GIGYF2: variants seen among roughly 807,000 people sequenced by gnomAD.
GIGYF2 encodes GRB10 interacting GYF protein 2.
GIGYF2 carries 25 observed loss-of-function variants against 208.1 expected under a neutral mutation model. The observed-to-expected ratio is 0.12, with a 90% CI of 0.09 to 0.17. GIGYF2 has a LOEUF of 0.17. Ranked by LOEUF, GIGYF2 falls within the 10% of genes least tolerant of loss-of-function variation. The probability of loss-of-function intolerance (pLI) is 1.00; values close to 1 mark genes in which losing one functional copy is unlikely to be tolerated. For synonymous variants in GIGYF2, 534 were observed against 543.8 expected (o/e 0.98, Z 0.25); for missense variants, 1,302 against 1,579.4 (o/e 0.82, Z 2.98).
intron 2 of GIGYF2, among the ~76,000 whole-genome samples, chr2:232,719,375 T>G (rs767412546): frequency 2.0e-4 from 31 of 152,336 alleles, no homozygotes; most frequent in Admixed American, 5.2e-4. Context: ...CGTAGATTTG[T>G]CACCTTTTTT....
intron 2 of GIGYF2, among the ~76,000 whole-genome samples, chr2:232,723,140 C>T (rs973445479): frequency 6.6e-6 from 1 of 152,036 alleles, no homozygotes; most frequent in Admixed American, 6.6e-5. Context: ...AATTCCCCTA[C>T]CCCCTTCAAT....
intron 2 of GIGYF2, among the ~76,000 whole-genome samples, chr2:232,728,154 A>T (rs1168862673): frequency 6.6e-6 from 1 of 152,154 alleles, no homozygotes; most frequent in Non-Finnish European, 1.5e-5. Context: ...AGGGTATGTC[A>T]TAGCACAACT....
chr2:232,776,132 C>CT (rs201750439), intron 8 of GIGYF2, among the ~76,000 whole-genome samples: 3 of 151,290 alleles, frequency 2.0e-5, no homozygotes, highest in Admixed American at 6.6e-5. Context: ...AAGAAAAAGA[C>CT]TTTTTTTTTC....
rs1207223785 is a variant in GIGYF2 at position 232,805,218 on chromosome 2, G to A, written c.1640-1273G>A. On this transcript the variant is annotated intron_variant, in intron 14 of 28. Coordinates refer to ENST00000373563, the MANE Select transcript of GIGYF2 (RefSeq NM_001103146.3). ...TTCTATATTTGGAATGTTCTGTAAA[G>A]TCACTTCACTTCTGTTGGTTGATGG... Among the ~76,000 whole-genome samples the A allele has an allele frequency of 2.0e-5, 3 of 152,166 alleles. No individual in the cohort carries two copies. The East Asian group carries it at 5.8e-4, about 29-fold the overall frequency.
chr2:232,737,619 G>C (rs994195592), intron 3 of GIGYF2, among the ~76,000 whole-genome samples: 1 of 152,102 alleles, frequency 6.6e-6, no homozygotes, highest in African/African-American at 2.4e-5. Flanking sequence ...TTTTCTTCAC[G>C]TATGACGTTC....
rs1018692317 is a variant in GIGYF2, at chr2:232,774,749, G to C, written c.533-12401G>C. Among the ~76,000 whole-genome samples the C allele has an allele frequency of 4.6e-4, 70 of 152,132 alleles. 4 individuals carry two copies. Among genetic ancestry groups the C allele is most frequent in the Non-Finnish European group, 7.4e-5 (5 of 68,026 alleles). On this transcript the variant is annotated intron_variant, in intron 8 of 28. Transcript: ENST00000373563. The stretch of plus-strand genomic sequence containing the variant: ...CCACATTTGGAGCCACTGTCCTACT[G>C]AATGCTGCTAAGTGCTTAGTGTTTC...
chr2:232,822,053 T>A (rs2106397815), intron 21 of GIGYF2, among the ~76,000 whole-genome samples: 1 of 152,186 alleles, frequency 6.6e-6, no homozygotes, highest in African/African-American at 2.4e-5. Context: ...GTAACAGAAG[T>A]AAGTCAGTAT....
intron 2 of GIGYF2, among the ~76,000 whole-genome samples, chr2:232,722,115 G>T (rs1696969082): frequency 1.3e-5 from 2 of 152,114 alleles, no homozygotes; most frequent in Admixed American, 6.5e-5. Context: ...CCCATACTCA[G>T]GCTGCTAAGT....
chr2:232,730,284 T>G, intron 2 of GIGYF2: 2 of 661,630 alleles, frequency 3.0e-6, no homozygotes, highest in South Asian at 3.8e-5. Flanking sequence ...AAAAATATTC[T>G]TAGGTTTTTA....
At chr2:232,771,100 T>A in intron 8 of GIGYF2, 1 of 1,614,122 alleles carries the variant, frequency 6.2e-7, no homozygotes, top group Non-Finnish European at 8.5e-7. Flanking sequence ...GGCATCATGA[T>A]CTAGTTCCAG....
At chr2:232,829,338 C>A (rs1701346382) in intron 21 of GIGYF2, among the ~76,000 whole-genome samples, 1 of 152,084 alleles carries the variant, frequency 6.6e-6, no homozygotes, top group Non-Finnish European at 1.5e-5. Context: ...TTGGTGTTTG[C>A]ACGGTATATA....
intron 21 of GIGYF2, among the ~76,000 whole-genome samples, chr2:232,821,030 G>A (rs1320333784): frequency 1.3e-5 from 2 of 151,860 alleles, no homozygotes; most frequent in African/African-American, 4.8e-5. Flanking sequence ...ATGGGGTTTT[G>A]CCTTGTTGGC....
intron 2 of GIGYF2, among the ~76,000 whole-genome samples, chr2:232,725,660 A>G (rs1697164529): frequency 6.6e-6 from 1 of 152,088 alleles, no homozygotes; most frequent in Non-Finnish European, 1.5e-5. Context: ...TTTTAGGATA[A>G]TCTTCCCAGT....
At chr2:232,769,953 A>C (rs1699163617) in intron 8 of GIGYF2, among the ~76,000 whole-genome samples, 2 of 152,210 alleles carry the variant, frequency 1.3e-5, no homozygotes, top group Non-Finnish European at 2.9e-5. Flanking sequence ...TGTTTGAATC[A>C]AAGCTACTAA....
Position 232,817,023 on chromosome 2 carries a change from A to G in GIGYF2, c.2361A>G (p.Arg787=). The part of the protein sequence containing the change: ...RKRREEEELA[R]RKQEEALRRQ... ...GGCGAGAGGAAGAAGAACTTGCCCGAAGGAAACAGGTATGTATCTGGGAAC... is the reference window on the plus strand; with the variant it reads ...GGCGAGAGGAAGAAGAACTTGCCCGGAGGAAACAGGTATGTATCTGGGAAC... The change falls in exon 20 of 29, where the codon CGA becomes CGG. Residue 787 remains arginine, a synonymous_variant. Transcript: ENST00000373563. 2.5e-6 allele frequency: 4 copies of G among 1,612,288 alleles called. No homozygotes were observed. The highest frequency in any genetic ancestry group is 3.4e-6 in the Non-Finnish European group (4 of 1,178,328).
chr2:232,809,073 T>G (rs568349869), intron 15 of GIGYF2, among the ~76,000 whole-genome samples: 1 of 152,238 alleles, frequency 6.6e-6, no homozygotes, highest in Non-Finnish European at 1.5e-5. Flanking sequence ...GCCTCCTGAA[T>G]AGGTGGATCT....
chr2:232,827,866 G>A (rs1207076177), intron 21 of GIGYF2, among the ~76,000 whole-genome samples: 1 of 152,034 alleles, frequency 6.6e-6, no homozygotes, highest in African/African-American at 2.4e-5. Context: ...ACACTTTTTA[G>A]TATGTTGCAT....
intron 3 of GIGYF2, among the ~76,000 whole-genome samples, chr2:232,746,837 C>A (rs1329255402): frequency 1.3e-5 from 2 of 152,062 alleles, no homozygotes; most frequent in African/African-American, 4.8e-5. Flanking sequence ...GTGATAAACA[C>A]CCATGTATTC....
chr2:232,795,776 C>T lies in GIGYF2; in HGVS notation c.1480-286C>T, dbSNP rs535070241. On this transcript the variant is annotated intron_variant, in intron 13 of 28. Coordinates refer to ENST00000373563, the MANE Select transcript of GIGYF2 (RefSeq NM_001103146.3). The stretch of plus-strand genomic sequence containing the variant: ...ACTCTTACTAGTGTTGATTTGAACC[C>T]TGGGCTTTGATCCAGAGCAGTGTTT... Among the ~76,000 whole-genome samples, 3 of 152,244 alleles carry T rather than the reference C, an allele frequency of 2.0e-5. No homozygotes were observed. The South Asian group carries it at 6.2e-4, about 32-fold the overall frequency.
Sources: gnomAD v4.1 joint callset for allele counts (sites outside exome capture counted in the v4.1 genomes callset) on GRCh38, gnomAD v4.1.1 for gene constraint, MANE v1.5 for transcripts, NCBI Gene and HGNC (gene_info 2026-07-23, HGNC 2026-07-21) for gene names.